The following C5 variants were observed in gnomAD, a reference collection of about 807,000 sequenced individuals.
C5 encodes the protein complement C5.
Under a neutral mutation model 218.8 loss-of-function variants are expected in C5, and 140 were observed. The observed-to-expected ratio is 0.64, with a 90% CI of 0.56 to 0.74. C5 has a LOEUF of 0.74. C5 is among the 30% of genes least tolerant of loss of function. The pLI is 0.00. For missense variants in C5, 1,700 were observed against 1,969.6 expected (o/e 0.86, Z 2.59); for synonymous variants, 614 against 682.3 (o/e 0.90, Z 1.56).
intron 40 of C5, 27 bp from the exon 41 acceptor site, chr9:120,952,895 G>A (rs1026386942): frequency 6.2e-7 from 1 of 1,612,144 alleles, no homozygotes; most frequent in Non-Finnish European, 8.5e-7. Flanking sequence ...TGTTTGTGAG[G>A]TGGCCACAAA....
In C5 at chr9:120,972,072, T is replaced by C. The variant is rs2046919113; in HGVS notation, c.4018-80A>G. Reference sequence around the variant, plus strand: ...GGAGGATAGAGCTATGAAAAGTGGGTTGACATGTACCAGCCTCCTCTCTCA... The same window carrying C: ...GGAGGATAGAGCTATGAAAAGTGGGCTGACATGTACCAGCCTCCTCTCTCA... On this transcript the variant is annotated intron_variant, in intron 30 of 40. Transcript: ENST00000223642. 37 of 1,162,126 alleles carry C rather than the reference T, an allele frequency of 3.2e-5. No individual in the cohort carries two copies. The South Asian group carries it at 4.6e-4, about 14-fold the overall frequency. The allele number at this position is 1,162,126 out of a possible 1,614,324, so 72.0% of individuals were successfully genotyped here.
At chr9:121,072,372 C>T in the C5 span, among the ~76,000 whole-genome samples, 1 of 152,144 alleles carries the variant, frequency 6.6e-6, no homozygotes, top group Admixed American at 6.5e-5. Flanking sequence ...AGGGACACAG[C>T]AATGAGGTTA....
Position 121,017,831 on chromosome 9 carries a change from T to C in C5, c.1528A>G (p.Ile510Val). 6.2e-7 allele frequency: 1 copy of C among 1,612,596 alleles called. No individual in the cohort carries two copies. Among genetic ancestry groups the C allele is most frequent in the African/African-American group, 1.3e-5 (1 of 75,010 alleles). The change falls in exon 13 of 41, where the codon ATC (isoleucine) becomes GTC (valine). Residue 510 changes from isoleucine to valine, a missense_variant. Physicochemically the swap from Ile to Val is conservative, Grantham distance 29. Transcript: ENST00000223642. Reference sequence around the variant, plus strand: ...AATTTCTCCCTCGTGCCAAAGTGGATAATTTTGCCCTTGGATAAAATCTAA... The same window carrying C: ...AATTTCTCCCTCGTGCCAAAGTGGACAATTTTGCCCTTGGATAAAATCTAA... ...NYLILSKGKI[I>V]HFGTREKFSD...
intron 14 of C5, 149 bp from the exon 15 acceptor site, chr9:121,016,532 C>T: frequency 1.0e-6 from 1 of 1,001,060 alleles, no homozygotes; most frequent in Non-Finnish European, 1.5e-6. Flanking sequence ...AATTTCCCAA[C>T]TTTGTTTCTA....
At chr9:120,974,064 G>C (rs1472814989) in intron 30 of C5, among the ~76,000 whole-genome samples, 2 of 152,072 alleles carry the variant, frequency 1.3e-5, no homozygotes, top group Non-Finnish European at 2.9e-5. Context: ...TCCAATTACT[G>C]TACATTTAAA....
chr9:121,022,169 G>A (rs1007334519), intron 10 of C5, among the ~76,000 whole-genome samples: 1 of 152,086 alleles, frequency 6.6e-6, no homozygotes, highest in Non-Finnish European at 1.5e-5. Flanking sequence ...TCTAACTTCT[G>A]TATTTCTTTG....
At chr9:121,065,005 G>T in the C5 span, among the ~76,000 whole-genome samples, 1 of 152,264 alleles carries the variant, frequency 6.6e-6, no homozygotes, top group East Asian at 1.9e-4. Context: ...AGGAGGCAGA[G>T]GTTGCAGTAG....
At chr9:120,996,330 A>G in intron 21 of C5, 30 bp from the exon 22 acceptor site, 1 of 1,582,448 alleles carries the variant, frequency 6.3e-7, no homozygotes, top group Non-Finnish European at 8.7e-7. Context: ...CATTCAGTTA[A>G]AAACATAAGT....
the C5 span, among the ~76,000 whole-genome samples, chr9:121,061,714 A>G: frequency 1.3e-5 from 2 of 152,280 alleles, no homozygotes; most frequent in Non-Finnish European, 2.9e-5. Context: ...AGCTGCAAAT[A>G]TAACAGCATT....
At chr9:121,028,508 G>A (rs2047444599) in intron 7 of C5, among the ~76,000 whole-genome samples, 2 of 152,174 alleles carry the variant, frequency 1.3e-5, no homozygotes, top group Non-Finnish European at 2.9e-5. Flanking sequence ...GGAATACTAT[G>A]CAGGCATAAA....
Position 121,017,523 on chromosome 9 carries a change from T to C in C5, c.1717-12A>G. 6.2e-7 allele frequency: 1 copy of C among 1,613,540 alleles called. No homozygotes were observed. Among genetic ancestry groups the C allele is most frequent in the Non-Finnish European group, 8.5e-7 (1 of 1,179,882 alleles). On this transcript the variant is annotated splice_polypyrimidine_tract_variant and intron_variant, in intron 13 of 40. Coordinates refer to ENST00000223642, the MANE Select transcript of C5 (RefSeq NM_001735.3). The stretch of plus-strand genomic sequence containing the variant: ...GGAGACAGATGAACCTAAAAGTTCA[T>C]TTGAAAAAGAAAAGAAAAGATCATT...
chr9:121,037,836 C>A (rs2047541784), intron 4 of C5, 45 bp downstream of exon 4: 1 of 855,556 alleles, frequency 1.2e-6, no homozygotes, highest in Non-Finnish European at 1.9e-6. Flanking sequence ...GATTCTTGTC[C>A]TGAAAAATGA....
At chr9:121,004,328 T>C (rs987058298) in intron 20 of C5, among the ~76,000 whole-genome samples, 5 of 151,748 alleles carry the variant, frequency 3.3e-5, no homozygotes, top group African/African-American at 1.2e-4. Flanking sequence ...TTAAGATATT[T>C]CATTTTCAAT....
In C5 at chr9:120,980,118, A is replaced by C; in HGVS notation, c.3623T>G (p.Ile1208Ser). ...GDKTHPQFRS[I>S]VSALKREALV... ...AGCTTCTCTCTTCAAAGCTGAAACA[A>C]TTGAACGAAACTGTGGGTGAGTTTT... The change falls in exon 28 of 41, where the codon ATT (isoleucine) becomes AGT (serine). Residue 1208 changes from isoleucine (I) to serine (S), a missense_variant. Transcript: ENST00000223642. 1 of 1,614,172 alleles carries C rather than the reference A, an allele frequency of 6.2e-7. No individual in the cohort carries two copies. Among genetic ancestry groups the C allele is most frequent in the Non-Finnish European group, 8.5e-7 (1 of 1,180,024 alleles).
intron 22 of C5, among the ~76,000 whole-genome samples, chr9:120,994,570 G>A (rs899484742): frequency 6.7e-6 from 1 of 148,290 alleles, no homozygotes; most frequent in African/African-American, 2.4e-5. Context: ...GCAACAGAGT[G>A]AGACCCTGTC....
At chr9:121,072,829 A>G in the C5 span, among the ~76,000 whole-genome samples, 72 of 151,462 alleles carry the variant, frequency 4.8e-4, no homozygotes, top group South Asian at 1.3e-3. Flanking sequence ...AAAAAAAAAA[A>G]AAAGAAAAGA....
chr9:121,013,629 GTT>G (rs2047281419), intron 17 of C5, among the ~76,000 whole-genome samples: 1 of 152,176 alleles, frequency 6.6e-6, no homozygotes, highest in Admixed American at 6.5e-5. Flanking sequence ...AATCATTCAA[GTT>G]TATGGGATGA....
chr9:121,041,554 C>T (rs886731487), intron 3 of C5, among the ~76,000 whole-genome samples: 12 of 151,640 alleles, frequency 7.9e-5, no homozygotes, highest in Admixed American at 1.3e-4. Context: ...CCCCCCACCT[C>T]GGACTCCCAA....
chr9:121,038,089 A>G, intron 3 of C5, 138 bp from the exon 4 acceptor site: 1 of 517,926 alleles, frequency 1.9e-6, no homozygotes, highest in Non-Finnish European at 3.5e-6. Flanking sequence ...AAAAAAACAA[A>G]AATTAGTTTG....
Sources: gnomAD v4.1 joint callset for allele counts (sites outside exome capture counted in the v4.1 genomes callset) on GRCh38, gnomAD v4.1.1 for gene constraint, MANE v1.5 for transcripts, NCBI Gene and HGNC (gene_info 2026-07-23, HGNC 2026-07-21) for gene names.